Variants in GRIN3A observed in about 807,000 individuals in gnomAD.
GRIN3A encodes glutamate ionotropic receptor NMDA type subunit 3A, also known as glutamate receptor ionotropic, NMDA 3A.
GRIN3A carries 47 observed loss-of-function variants against 92.4 expected under a neutral mutation model. The ratio of observed to expected loss-of-function variants is 0.51; its 90% CI spans 0.40 to 0.65. GRIN3A has a LOEUF of 0.65. GRIN3A is among the 30% of genes least tolerant of loss of function. GRIN3A has a pLI of 0.00. For synonymous variants in GRIN3A, 527 were observed against 540.6 expected, an observed-to-expected ratio of 0.97 and a Z score of 0.35; for missense variants, 1,324 against 1,393.1, an observed-to-expected ratio of 0.95 and a Z score of 0.79.
At chr9:101,628,629 A>T (rs974838802) in intron 3 of GRIN3A, among the ~76,000 whole-genome samples, 8 of 152,178 alleles carry the variant, frequency 5.3e-5, no homozygotes, top group African/African-American at 1.9e-4. Context: ...AAAATACAAA[A>T]CAATTTTTTT....
chr9:101,661,223 C>T (rs1829167475), intron 3 of GRIN3A, among the ~76,000 whole-genome samples: 2 of 151,804 alleles, frequency 1.3e-5, no homozygotes, highest in South Asian at 2.1e-4. Context: ...GATATTGTCA[C>T]CACTATTGTC....
chr9:101,734,369 A>G (rs1830175152), intron 1 of GRIN3A, among the ~76,000 whole-genome samples: 1 of 152,234 alleles, frequency 6.6e-6, no homozygotes, highest in Non-Finnish European at 1.5e-5. Context: ...TGAGTGTTGT[A>G]GTGAAGTCAG....
At chr9:101,643,739 C>T (rs1828897777) in intron 3 of GRIN3A, among the ~76,000 whole-genome samples, 1 of 150,878 alleles carries the variant, frequency 6.6e-6, no homozygotes, top group African/African-American at 2.4e-5. Context: ...GGAAATAATG[C>T]TGTTTATGAC....
At chr9:101,659,952 T>A (rs930165780) in intron 3 of GRIN3A, among the ~76,000 whole-genome samples, 5 of 151,896 alleles carry the variant, frequency 3.3e-5, no homozygotes, top group Non-Finnish European at 7.4e-5. Context: ...GACTTATCAA[T>A]CTGAACTAGC....
intron 1 of GRIN3A, among the ~76,000 whole-genome samples, chr9:101,704,477 G>GT (rs141213678): frequency 0.045 from 6,919 of 152,096 alleles, 234 homozygotes; most frequent in Non-Finnish European, 0.07. Context: ...TTGACTTAAT[G>GT]TTTTTTTTAT....
intron 1 of GRIN3A, among the ~76,000 whole-genome samples, chr9:101,707,533 A>G (rs540949158): frequency 2.0e-5 from 3 of 152,326 alleles, no homozygotes; most frequent in Non-Finnish European, 4.4e-5. Flanking sequence ...TCTGAGAAGT[A>G]AGAAATGAAT....
rs1200493182 is a variant in GRIN3A, at chr9:101,613,343, A to G, written c.2766+33T>C. 7 of 1,612,550 alleles carry G rather than the reference A, an allele frequency of 4.3e-6. No individual in the cohort carries two copies. The Admixed American group carries it at 1.2e-4, about 27-fold the overall frequency. On this transcript the variant is annotated intron_variant, in intron 6 of 8. Coordinates refer to ENST00000361820, the MANE Select transcript of GRIN3A (RefSeq NM_133445.3). ...TATGTTCTCTGAGGTACAGCTATAC[A>G]ACGTGTCACCATTTTCAACAGTCTT... is the stretch of plus-strand genomic sequence containing the variant.
chr9:101,697,695 A>T (rs2118995141), intron 1 of GRIN3A, among the ~76,000 whole-genome samples: 1 of 152,262 alleles, frequency 6.6e-6, no homozygotes, highest in Admixed American at 6.5e-5. Context: ...TGCACTTATG[A>T]CTTTGTCATT....
chr9:101,668,833 G>T (rs183973234), intron 3 of GRIN3A, among the ~76,000 whole-genome samples: 2 of 152,220 alleles, frequency 1.3e-5, no homozygotes, highest in African/African-American at 4.8e-5. Context: ...AATCTTTAAA[G>T]CTGCCACCAG....
At chr9:101,574,170 T>C (rs890346655) in intron 8 of GRIN3A, among the ~76,000 whole-genome samples, 4 of 152,186 alleles carry the variant, frequency 2.6e-5, no homozygotes, top group Non-Finnish European at 5.9e-5. Context: ...GAAAGTCATA[T>C]AGAAAGCAAT....
chr9:101,614,085 A>G (rs1484791951), intron 5 of GRIN3A, among the ~76,000 whole-genome samples: 1 of 152,244 alleles, frequency 6.6e-6, no homozygotes, highest in Non-Finnish European at 1.5e-5. Flanking sequence ...GTCCAAAAAT[A>G]AATAAATAAG....
intron 1 of GRIN3A, among the ~76,000 whole-genome samples, chr9:101,691,620 T>G (rs1337249120): frequency 1.3e-5 from 2 of 152,340 alleles, no homozygotes; most frequent in Non-Finnish European, 2.9e-5. Context: ...GACTGGGTAC[T>G]GTCTTCCTAG....
Position 101,573,578 on chromosome 9 carries a change from T to C in GRIN3A, c.3009-65A>G, listed in dbSNP as rs963410457. ...CAGCTCTCAAGGTGCTGTCTTCATC[T>C]GTTAGCCATTTCCTGTGCAATAATA... On this transcript the variant is annotated intron_variant, in intron 8 of 8. Coordinates refer to ENST00000361820, the MANE Select transcript of GRIN3A (RefSeq NM_133445.3). 5.5e-6 allele frequency: 7 copies of C among 1,278,324 alleles called. No individual in the cohort carries two copies. In the African/African-American group the frequency reaches 1.0e-4, roughly 19 times the overall value. 79.2% of individuals were successfully genotyped at this position (1,278,324 alleles called of 1,614,324 possible). A position where few individuals can be genotyped will look rare whatever the true frequency, so the allele number is the denominator to read the frequency against.
chr9:101,597,700 A>T (rs1828155308), intron 6 of GRIN3A, among the ~76,000 whole-genome samples: 1 of 152,256 alleles, frequency 6.6e-6, no homozygotes. Context: ...CAACATCAAA[A>T]AAATAGAACA....
At chr9:101,584,476 G>A (rs182459952) in intron 6 of GRIN3A, among the ~76,000 whole-genome samples, 2 of 152,304 alleles carry the variant, frequency 1.3e-5, no homozygotes, top group Admixed American at 6.5e-5. Flanking sequence ...TGTTTTAAAT[G>A]CTTTATGTTA....
chr9:101,706,400 C>G (rs1274753648), intron 1 of GRIN3A, among the ~76,000 whole-genome samples: 1 of 152,178 alleles, frequency 6.6e-6, no homozygotes, highest in East Asian at 1.9e-4. Flanking sequence ...TCAGGAGGAA[C>G]ATGAATTTCT....
intron 1 of GRIN3A, among the ~76,000 whole-genome samples, chr9:101,735,682 A>G (rs1381032849): frequency 6.6e-6 from 1 of 151,652 alleles, no homozygotes; most frequent in Non-Finnish European, 1.5e-5. Flanking sequence ...AGTGATGCTG[A>G]CTCCTGCATT....
At chr9:101,649,008 A>G (rs933360245) in intron 3 of GRIN3A, among the ~76,000 whole-genome samples, 1 of 152,072 alleles carries the variant, frequency 6.6e-6, no homozygotes, top group African/African-American at 2.4e-5. Flanking sequence ...AGAGGAAGAC[A>G]TAATGGAAAC....
intron 3 of GRIN3A, among the ~76,000 whole-genome samples, chr9:101,633,145 T>C (rs1391881974): frequency 6.6e-6 from 1 of 152,174 alleles, no homozygotes; most frequent in Non-Finnish European, 1.5e-5. Flanking sequence ...ATCAAGTTGC[T>C]ATATCCAAGG....
Sources: allele counts gnomAD v4.1 joint callset (sites outside exome capture counted in the v4.1 genomes callset), GRCh38; gene constraint gnomAD v4.1.1; transcripts MANE v1.5; gene names NCBI Gene and HGNC (gene_info 2026-07-23, HGNC 2026-07-21).